The following SPACA7 variants were observed in gnomAD, a reference collection of about 807,000 sequenced individuals.
The protein encoded by SPACA7 is sperm acrosome associated 7, also known as sperm acrosome-associated protein 7.
SPACA7 carries 19 observed loss-of-function variants against 26.3 expected under a neutral mutation model. The observed-to-expected ratio is 0.72, with a 90% confidence interval of 0.50 to 1.06. The LOEUF (loss-of-function observed/expected upper bound fraction) is 1.06, where lower values mean the gene tolerates loss of function less well. SPACA7 is among the 50% of genes least tolerant of loss of function. The pLI, the probability that SPACA7 is intolerant of heterozygous loss-of-function variation, is 0.00. For missense variants in SPACA7, 211 were observed against 229.9 expected, an observed-to-expected ratio of 0.92 and a Z score of 0.53; for synonymous variants, 84 against 84.5, an observed-to-expected ratio of 0.99 and a Z score of 0.04.
intron 1 of SPACA7, among the ~76,000 whole-genome samples, chr13:112,388,932 G>A (rs2138896777): frequency 6.6e-6 from 1 of 152,268 alleles, no homozygotes; most frequent in East Asian, 1.9e-4. Context: ...GATCAGATGA[G>A]CCACTTTATC....
At chr13:112,432,336 G>A (rs1407181589) in intron 5 of SPACA7, 108 bp from the exon 6 acceptor site, 2 of 831,364 alleles carry the variant, frequency 2.4e-6, no homozygotes, top group Non-Finnish European at 4.0e-6. Flanking sequence ...TCTGTGCGTG[G>A]GTGCTGCTTT....
chr13:112,399,798 G>A (rs1885519643), intron 4 of SPACA7, among the ~76,000 whole-genome samples: 2 of 152,162 alleles, frequency 1.3e-5, no homozygotes. Flanking sequence ...GGTTTAATTT[G>A]TTCATGGTTC....
At chr13:112,395,319 G>A (rs1173470511) in intron 2 of SPACA7, among the ~76,000 whole-genome samples, 2 of 152,232 alleles carry the variant, frequency 1.3e-5, no homozygotes, top group Non-Finnish European at 2.9e-5. Context: ...GATGATGGAT[G>A]CATTCCTGGC....
At chr13:112,403,426 A>AT (rs1431869175) in intron 5 of SPACA7, among the ~76,000 whole-genome samples, 3 of 152,088 alleles carry the variant, frequency 2.0e-5, no homozygotes, top group East Asian at 1.9e-4. Context: ...AAATCCAGGG[A>AT]TTTTTTTAAT....
chr13:112,383,121 A>AAAAGAAAGAAAAAG (rs1884245660), intron 1 of SPACA7, among the ~76,000 whole-genome samples: 3 of 33,874 alleles, frequency 8.9e-5, no homozygotes, highest in Non-Finnish European at 2.2e-4. Context: ...AAAAGAAAAG[A>AAAAGAAAGAAAAAG]AAAGAAAGAA....
rs542312469 is a variant in SPACA7 at position 112,397,860 on chromosome 13, G to T, written c.152-189G>T. On this transcript the variant is annotated intron_variant, in intron 2 of 6. Coordinates refer to ENST00000283550, the MANE Select transcript of SPACA7 (RefSeq NM_145248.5). ...AGTTTTTCTGAAATTATTGAGGGAGGCAGCGGCCTGCCCACCCAGAGAAGG... is the reference window on the plus strand; with the variant it reads ...AGTTTTTCTGAAATTATTGAGGGAGTCAGCGGCCTGCCCACCCAGAGAAGG... Among the ~76,000 whole-genome samples, 3 of 152,166 alleles carry T rather than the reference G, an allele frequency of 2.0e-5. No individual in the cohort carries two copies. In the South Asian group the frequency reaches 6.3e-4, roughly 32 times the overall value.
intron 5 of SPACA7, among the ~76,000 whole-genome samples, chr13:112,406,016 T>G (rs928559174): frequency 6.6e-6 from 1 of 152,236 alleles, no homozygotes; most frequent in East Asian, 1.9e-4. Context: ...TGTCCATTCT[T>G]TATTTTTTAG....
At chr13:112,377,093 G>A (rs1382738626) in intron 1 of SPACA7, among the ~76,000 whole-genome samples, 1 of 152,200 alleles carries the variant, frequency 6.6e-6, no homozygotes, top group Non-Finnish European at 1.5e-5. Flanking sequence ...CAGGGAAAGT[G>A]GAGATTTGCA....
intron 5 of SPACA7, among the ~76,000 whole-genome samples, chr13:112,415,048 C>T (rs998285623): frequency 2.0e-5 from 3 of 152,220 alleles, no homozygotes; most frequent in Admixed American, 2.0e-4. Context: ...CATCCTAAGT[C>T]CAGTTACACT....
At chr13:112,433,289 A>T (rs1209346664) in intron 6 of SPACA7, among the ~76,000 whole-genome samples, 1 of 148,192 alleles carries the variant, frequency 6.7e-6, no homozygotes, top group Non-Finnish European at 1.5e-5. Flanking sequence ...GCCGAGCCAC[A>T]TGGCTGGCTT....
chr13:112,425,334 G>A (rs1876431633), intron 5 of SPACA7, among the ~76,000 whole-genome samples: 1 of 152,166 alleles, frequency 6.6e-6, no homozygotes, highest in Non-Finnish European at 1.5e-5. Context: ...AGGATAAATT[G>A]TCTGAAACAG....
At chr13:112,407,415 CAGTGAATCCAGG>C (rs1286187220) in intron 5 of SPACA7, among the ~76,000 whole-genome samples, 1 of 152,016 alleles carries the variant, frequency 6.6e-6, no homozygotes, top group East Asian at 1.9e-4. Flanking sequence ...TTCAAAAAAT[CAGTGAATCCAGG>C]AGCTGGTTTT....
chr13:112,388,087 G>T (rs1446302854), intron 1 of SPACA7, among the ~76,000 whole-genome samples: 1 of 152,194 alleles, frequency 6.6e-6, no homozygotes, highest in Non-Finnish European at 1.5e-5. Flanking sequence ...AGTTAGGCCT[G>T]CTGGACTTCC....
chr13:112,376,538 G>C, intron 1 of SPACA7, 59 bp downstream of exon 1: 1 of 1,556,464 alleles, frequency 6.4e-7, no homozygotes, highest in African/African-American at 1.4e-5. Context: ...GGGAGCGGCG[G>C]CCTCTTCTCC....
rs143388403 is a variant in SPACA7 at position 112,395,732 on chromosome 13, T to C, written c.152-2317T>C. On this transcript the variant is annotated intron_variant, in intron 2 of 6. Transcript: ENST00000283550. ...TGATCTGCCCACCTCGGCCTCCCAG[T>C]GCGCTGGGATTACAGGAGTGAGCCA... Among the ~76,000 whole-genome samples, 429 of 152,200 alleles carry C rather than the reference T, an allele frequency of 2.8e-3. 3 individuals carry two copies. The highest frequency in any genetic ancestry group is 0.01 in the African/African-American group (420 of 41,534).
intron 1 of SPACA7, among the ~76,000 whole-genome samples, chr13:112,390,980 G>A (rs1003231253): frequency 2.0e-5 from 3 of 152,218 alleles, no homozygotes; most frequent in African/African-American, 7.2e-5. Context: ...AATGCTGGGG[G>A]TGCTGCACTG....
At chr13:112,419,900 A>C (rs1420830621) in intron 5 of SPACA7, among the ~76,000 whole-genome samples, 1 of 152,242 alleles carries the variant, frequency 6.6e-6, no homozygotes, top group East Asian at 1.9e-4. Flanking sequence ...GCAGGTGTTC[A>C]GGGAAGGCTG....
chr13:112,432,543 A>C, intron 6 of SPACA7, 22 bp downstream of exon 6: 1 of 1,524,776 alleles, frequency 6.6e-7, no homozygotes, highest in Non-Finnish European at 9.1e-7. Flanking sequence ...ATAATAGATA[A>C]GTGTCTTCTC....
At chr13:112,397,402 C>T (rs532171763) in intron 2 of SPACA7, among the ~76,000 whole-genome samples, 1 of 152,208 alleles carries the variant, frequency 6.6e-6, no homozygotes, top group Non-Finnish European at 1.5e-5. Context: ...ATGGCCCAGG[C>T]TCCGTGCTGA....
Sources: gnomAD v4.1 joint callset for allele counts (sites outside exome capture counted in the v4.1 genomes callset) on GRCh38, gnomAD v4.1.1 for gene constraint, MANE v1.5 for transcripts, NCBI Gene and HGNC (gene_info 2026-07-23, HGNC 2026-07-21) for gene names.